Variants in CGRRF1 observed in about 807,000 individuals in gnomAD.
The protein encoded by CGRRF1 is cell growth regulator with ring finger domain 1.
A neutral mutation model predicts 37.2 loss-of-function variants in CGRRF1; 32 were observed. The ratio of observed to expected loss-of-function variants is 0.86; its 90% CI spans 0.65 to 1.16. CGRRF1 has a LOEUF of 1.16. Ranked by LOEUF, CGRRF1 falls within the 50% of genes most tolerant of loss-of-function variation. CGRRF1 has a pLI of 0.00. For synonymous variants in CGRRF1, 141 were observed against 140.3 expected, an observed-to-expected ratio of 1.00 and a Z score of -0.04; for missense variants, 391 against 382.6, an observed-to-expected ratio of 1.02 and a Z score of -0.18.
At chr14:54,533,531 TTC>T (rs1182287486) in intron 4 of CGRRF1, among the ~76,000 whole-genome samples, 1 of 152,206 alleles carries the variant, frequency 6.6e-6, no homozygotes, top group Non-Finnish European at 1.5e-5. Flanking sequence ...TGTATTAATG[TTC>T]TCTGTTTATA....
At chr14:54,526,022 G>C (rs1235742501) in intron 2 of CGRRF1, among the ~76,000 whole-genome samples, 2 of 152,000 alleles carry the variant, frequency 1.3e-5, no homozygotes, top group Non-Finnish European at 2.9e-5. Context: ...GCTTAAGTCT[G>C]GGAGGTTGAG....
Position 54,509,916 on chromosome 14 carries a change from G to GGGCTC in CGRRF1, c.-43_-39dup. On this transcript the variant is annotated 5_prime_UTR_variant, in exon 1 of 6. Transcript: ENST00000216420. Reference sequence around the variant, plus strand: ...GGGCGGGGCTCAGCCGGGCTGGGCTGGGCTCCGCGGCTGGAGCCGGGCTCT... The same window carrying GGGCTC: ...GGGCGGGGCTCAGCCGGGCTGGGCTGGGCTCGGCTCCGCGGCTGGAGCCGGGCTCT... 6.9e-7 allele frequency: 1 copy of GGGCTC among 1,457,234 alleles called. No homozygotes were observed. The highest frequency in any genetic ancestry group is 9.6e-7 in the Non-Finnish European group (1 of 1,038,228). The allele number at this position is 1,457,234 out of a possible 1,614,324, so 90.3% of individuals were successfully genotyped here.
Position 54,509,942 on chromosome 14 carries a change from A to AT in CGRRF1, c.-18_-17insT. On this transcript the variant is annotated 5_prime_UTR_variant, in exon 1 of 6. Transcript: ENST00000216420. ...GGCTCCGCGGCTGGAGCCGGGCTCT[A>AT]CCCAGAGCAAGACCCTGATGGCTGC... is the stretch of plus-strand genomic sequence containing the variant. 1 of 1,586,110 alleles carries AT rather than the reference A, an allele frequency of 6.3e-7. No individual in the cohort carries two copies. Among genetic ancestry groups the AT allele is most frequent in the Non-Finnish European group, 8.7e-7 (1 of 1,154,560 alleles).
chr14:54,521,877 G>A (rs2032323201), intron 1 of CGRRF1, among the ~76,000 whole-genome samples: 1 of 152,204 alleles, frequency 6.6e-6, no homozygotes, highest in South Asian at 2.1e-4. Flanking sequence ...TCATGTGTTT[G>A]CTGTTAAATT....
intron 2 of CGRRF1, among the ~76,000 whole-genome samples, chr14:54,523,824 A>C (rs560629309): frequency 6.6e-6 from 1 of 152,294 alleles, no homozygotes; most frequent in South Asian, 2.1e-4. Flanking sequence ...AATAGAAATA[A>C]AGAGTAGGCA....
intron 4 of CGRRF1, among the ~76,000 whole-genome samples, chr14:54,533,380 T>A (rs1214235448): frequency 6.6e-6 from 1 of 152,058 alleles, no homozygotes; most frequent in Non-Finnish European, 1.5e-5. Flanking sequence ...GCTTTGTGTA[T>A]GTCTCTGTGT....
chr14:54,531,486 T>C (rs2032513543), intron 4 of CGRRF1, among the ~76,000 whole-genome samples: 1 of 152,278 alleles, frequency 6.6e-6, no homozygotes, highest in Middle Eastern at 3.4e-3. Context: ...TCATATTTGC[T>C]GTATAGAAAC....
rs1445356252 is a variant in CGRRF1, at chr14:54,524,439, G to A, written c.244+1846G>A. Among the ~76,000 whole-genome samples the A allele has an allele frequency of 2.1e-5, 3 of 145,446 alleles. No homozygotes were observed. The Admixed American group carries it at 2.1e-4, about 10-fold the overall frequency. On this transcript the variant is annotated intron_variant, in intron 2 of 5. Coordinates refer to ENST00000216420, the MANE Select transcript of CGRRF1 (RefSeq NM_006568.3). ...CTTGCTCTTCCACCCAGGCTGGAAT[G>A]CAGTAGTATGATCATACCTCACTGC...
chr14:54,515,929 T>C (rs1000498434), intron 1 of CGRRF1, among the ~76,000 whole-genome samples: 2 of 152,198 alleles, frequency 1.3e-5, no homozygotes, highest in African/African-American at 2.4e-5. Flanking sequence ...ATTATTGATA[T>C]TGTTAGATTT....
At chr14:54,533,651 T>A (rs1391361731) in intron 4 of CGRRF1, among the ~76,000 whole-genome samples, 1 of 152,034 alleles carries the variant, frequency 6.6e-6, no homozygotes, top group Non-Finnish European at 1.5e-5. Context: ...ATTAATAAAA[T>A]CATTTTTATT....
intron 1 of CGRRF1, 95 bp downstream of exon 1, chr14:54,510,158 C>G: frequency 1.1e-6 from 1 of 883,776 alleles, no homozygotes; most frequent in Non-Finnish European, 1.8e-6. Context: ...GGGCCGCGGG[C>G]CGGAGGACGT....
At chr14:54,516,751 A>T (rs1036795030) in intron 1 of CGRRF1, among the ~76,000 whole-genome samples, 2 of 152,142 alleles carry the variant, frequency 1.3e-5, no homozygotes, top group African/African-American at 4.8e-5. Flanking sequence ...CAAATACTTT[A>T]TCTGTCCTCT....
At chr14:54,512,179 G>A (rs1188300417) in intron 1 of CGRRF1, among the ~76,000 whole-genome samples, 2 of 152,082 alleles carry the variant, frequency 1.3e-5, no homozygotes, top group Admixed American at 6.6e-5. Context: ...TACTGTTCAT[G>A]TGTTTTCTGT....
chr14:54,538,017 A>C, intron 5 of CGRRF1, 46 bp from the exon 6 acceptor site: 1 of 1,474,960 alleles, frequency 6.8e-7, no homozygotes, highest in Non-Finnish European at 9.0e-7. Context: ...TTTAAAGAGT[A>C]ATTGTTATTT....
intron 2 of CGRRF1, among the ~76,000 whole-genome samples, chr14:54,527,604 G>C (rs997827535): frequency 6.6e-6 from 1 of 151,948 alleles, no homozygotes; most frequent in Admixed American, 6.6e-5. Context: ...TTTTAGTTAA[G>C]TATACAAAGT....
intron 2 of CGRRF1, among the ~76,000 whole-genome samples, chr14:54,529,457 A>C (rs1376427661): frequency 1.3e-5 from 2 of 152,228 alleles, no homozygotes; most frequent in Non-Finnish European, 2.9e-5. Flanking sequence ...TAAACTCTTT[A>C]TGTTTTGGAA....
rs1299751835 is a variant in CGRRF1 at position 54,513,583 on chromosome 14, T to TATGTC, written c.104+3524_104+3525insCATGT. ...GACACAGTTTTATGTTATGTTATGTTATGTTATGTTATGTTATGTTATGTT... is the reference window on the plus strand; with the variant it reads ...GACACAGTTTTATGTTATGTTATGTTATGTCATGTTATGTTATGTTATGTTATGTT... On this transcript the variant is annotated intron_variant, in intron 1 of 5. Transcript: ENST00000216420. Among the ~76,000 whole-genome samples the TATGTC allele has an allele frequency of 1.1e-3, 150 of 137,324 alleles. No homozygotes were observed. The East Asian group carries it at 0.015, about 14-fold the overall frequency. The allele number at this position is 137,324 out of a possible 152,430, so 90.1% of individuals were successfully genotyped here. A position where few individuals can be genotyped will look rare whatever the true frequency, so the allele number is the denominator to read the frequency against.
At chr14:54,534,922 T>C (rs1170220473) in intron 4 of CGRRF1, among the ~76,000 whole-genome samples, 1 of 152,188 alleles carries the variant, frequency 6.6e-6, no homozygotes, top group East Asian at 1.9e-4. Context: ...TCTTACTGTG[T>C]TGCCCTGGCT....
At chr14:54,516,616 AT>A (rs2032222026) in intron 1 of CGRRF1, among the ~76,000 whole-genome samples, 2 of 151,930 alleles carry the variant, frequency 1.3e-5, no homozygotes, top group African/African-American at 4.8e-5. Context: ...GTTTTAAGCA[AT>A]TTGATTATTA....
Sources: allele counts gnomAD v4.1 joint callset (sites outside exome capture counted in the v4.1 genomes callset), GRCh38; gene constraint gnomAD v4.1.1; transcripts MANE v1.5; gene names NCBI Gene and HGNC (gene_info 2026-07-23, HGNC 2026-07-21).